The following REEP1 variants were observed in gnomAD, a reference collection of about 807,000 sequenced individuals.
The protein encoded by REEP1 is receptor accessory protein 1, also known as receptor expression-enhancing protein 1.
In REEP1, 22 loss-of-function variants were observed where a neutral mutation model predicts 40.3. That is an observed-to-expected ratio of 0.55 (90% CI 0.39 to 0.78). REEP1 has a LOEUF of 0.78. Ranked by LOEUF, REEP1 falls within the 30% of genes least tolerant of loss-of-function variation. REEP1 has a pLI of 0.00. For missense variants in REEP1, 280 were observed against 361.1 expected, an observed-to-expected ratio of 0.78 and a Z score of 1.82; for synonymous variants, 116 against 139.2, an observed-to-expected ratio of 0.83 and a Z score of 1.17.
intron 1 of REEP1, among the ~76,000 whole-genome samples, chr2:86,293,069 AATTC>A (rs10524777): frequency 0.52 from 78,320 of 150,808 alleles, 20,407 homozygotes; most frequent in East Asian, 0.6. Flanking sequence ...TAAGAGGTTA[AATTC>A]ATTCATTCAT....
intron 1 of REEP1, among the ~76,000 whole-genome samples, chr2:86,284,457 T>A (rs996939133): frequency 2.0e-5 from 3 of 152,012 alleles, no homozygotes. Context: ...AGTATCAGAA[T>A]GGGGAAGCCA....
chr2:86,240,895 G>C (rs1441507720), intron 5 of REEP1, among the ~76,000 whole-genome samples: 2 of 152,220 alleles, frequency 1.3e-5, no homozygotes, highest in Non-Finnish European at 2.9e-5. Flanking sequence ...CCCTTAAGGA[G>C]AGACAGCAGG....
chr2:86,309,793 TC>T (rs1460767452), intron 1 of REEP1, among the ~76,000 whole-genome samples: 3 of 151,956 alleles, frequency 2.0e-5, no homozygotes, highest in Admixed American at 1.3e-4. Flanking sequence ...CTTAACTATC[TC>T]CCAAAGGCCG....
At chr2:86,217,666 A>AT (rs10668934) in intron 8 of REEP1, among the ~76,000 whole-genome samples, 2,175 of 112,874 alleles carry the variant, frequency 0.019, 88 homozygotes, top group African/African-American at 0.061. Context: ...GGGATTTCAG[A>AT]TTTTTTTTTT....
intron 1 of REEP1, among the ~76,000 whole-genome samples, chr2:86,311,040 A>C (rs1185544881): frequency 1.3e-5 from 2 of 152,156 alleles, no homozygotes; most frequent in Non-Finnish European, 2.9e-5. Context: ...AGATACAGCT[A>C]AGGGAGGGAG....
At chr2:86,264,102 C>T (rs1677016763) in intron 2 of REEP1, 61 bp from the exon 3 acceptor site, 2 of 1,306,036 alleles carry the variant, frequency 1.5e-6, no homozygotes, top group Non-Finnish European at 2.2e-6. Context: ...CTGCCCAACA[C>T]CAGGAAGAAC....
At chr2:86,313,295 CTTTTCTT>C (rs1331882085) in intron 1 of REEP1, among the ~76,000 whole-genome samples, 1 of 135,122 alleles carries the variant, frequency 7.4e-6, no homozygotes, top group African/African-American at 2.8e-5. Flanking sequence ...TTTTTCTTTT[CTTTTCTT>C]TTTTTTTTTT....
chr2:86,302,012 C>T (rs1175289693), intron 1 of REEP1, among the ~76,000 whole-genome samples: 1 of 152,234 alleles, frequency 6.6e-6, no homozygotes, highest in Non-Finnish European at 1.5e-5. Flanking sequence ...CTTTAATTCC[C>T]CATAGGCTTT....
intron 6 of REEP1, among the ~76,000 whole-genome samples, chr2:86,227,834 A>G (rs1291915946): frequency 6.9e-6 from 1 of 145,942 alleles, no homozygotes; most frequent in African/African-American, 2.5e-5. Context: ...TGCCTTGTAC[A>G]CGCCATTGGT....
chr2:86,300,843 C>T (rs140943436), intron 1 of REEP1, among the ~76,000 whole-genome samples: 2 of 152,266 alleles, frequency 1.3e-5, no homozygotes, highest in Non-Finnish European at 2.9e-5. Flanking sequence ...ACTTGGGTCC[C>T]CTTAGCCTTC....
Position 86,322,055 on chromosome 2 carries a change from C to G in REEP1, c.32+15424G>C, listed in dbSNP as rs1680292812. ...GGTAAGCAAGGTTGTATTCTTCCAA[C>G]AGTTGGAAGATGAAATTTTATTAAG... On this transcript the variant is annotated intron_variant, in intron 1 of 8. Coordinates refer to ENST00000538924, the MANE Select transcript of REEP1 (RefSeq NM_001371279.1). 2.6e-5 allele frequency among the ~76,000 whole-genome samples: 4 copies of G among 152,166 alleles called. No homozygotes were observed. In the South Asian group the frequency reaches 8.3e-4, roughly 32 times the overall value.
chr2:86,333,144 A>C (rs1210018923), intron 1 of REEP1, among the ~76,000 whole-genome samples: 1 of 152,242 alleles, frequency 6.6e-6, no homozygotes, highest in African/African-American at 2.4e-5. Flanking sequence ...CCCTCCATTA[A>C]CTGAATCAGT....
intron 5 of REEP1, chr2:86,251,630 A>T (rs1676278578): frequency 2.7e-6 from 1 of 376,276 alleles, no homozygotes; most frequent in Non-Finnish European, 5.1e-6. Flanking sequence ...TCCCAGGCCT[A>T]AGTGCCAAGT....
rs201564869 is a variant in REEP1, at chr2:86,232,683, G to A, written c.537C>T (p.Ser179=). 25 of 1,612,016 alleles carry A rather than the reference G, an allele frequency of 1.6e-5. No individual in the cohort carries two copies. The African/African-American group carries it at 1.6e-4, about 10-fold the overall frequency. ...GPPPPGSGRA[S]GKHGQPKMSR... ...ACATCTTAGGCTGGCCGTGTTTGCC[G>A]CTGGCCCGCCCAGACCCCGGTGGTG... Residue 179 remains serine, a synonymous_variant, in exon 6 of 9, where the codon AGC becomes AGT. Coordinates refer to ENST00000538924, the MANE Select transcript of REEP1 (RefSeq NM_001371279.1).
Position 86,216,918 on chromosome 2 carries a change from A to ATGTT in REEP1, c.*117_*120dup, listed in dbSNP as rs1218873585. ...AGTGGAAGGGGAGAGAGAAAAGGCC[A>ATGTT]TGTTTGTGAGGCTGCACACTCAAAG... On this transcript the variant is annotated 3_prime_UTR_variant, in exon 9 of 9. Coordinates refer to ENST00000538924, the MANE Select transcript of REEP1 (RefSeq NM_001371279.1). 2.6e-6 allele frequency: 2 copies of ATGTT among 763,594 alleles called. No homozygotes were observed. Among genetic ancestry groups the ATGTT allele is most frequent in the African/African-American group, 3.5e-5 (2 of 56,988 alleles). 47.3% of individuals were successfully genotyped at this position (763,594 alleles called of 1,614,324 possible). A position where few individuals can be genotyped will look rare whatever the true frequency, so the allele number is the denominator to read the frequency against.
chr2:86,296,632 G>A (rs780749572), intron 1 of REEP1, among the ~76,000 whole-genome samples: 1 of 152,190 alleles, frequency 6.6e-6, no homozygotes, highest in Non-Finnish European at 1.5e-5. Flanking sequence ...TGAGGCAGGC[G>A]GATCACCTGA....
chr2:86,232,842 C>T (rs1675107800), intron 5 of REEP1, 40 bp from the exon 6 acceptor site: 2 of 1,581,092 alleles, frequency 1.3e-6, no homozygotes, highest in Non-Finnish European at 8.6e-7. Context: ...AGAGGTCCTG[C>T]TCCACAGGTC....
intron 1 of REEP1, among the ~76,000 whole-genome samples, chr2:86,286,804 T>C (rs1678423997): frequency 6.6e-6 from 1 of 152,164 alleles, no homozygotes; most frequent in Non-Finnish European, 1.5e-5. Context: ...TGAAACAAAC[T>C]AGTATTTTCC....
intron 1 of REEP1, among the ~76,000 whole-genome samples, chr2:86,334,399 G>A (rs193222094): frequency 3.9e-5 from 6 of 152,106 alleles, no homozygotes; most frequent in East Asian, 1.9e-4. Context: ...AACGTGACTC[G>A]CGGATAAAAC....
Sources: gnomAD v4.1 joint callset for allele counts (sites outside exome capture counted in the v4.1 genomes callset) on GRCh38, gnomAD v4.1.1 for gene constraint, MANE v1.5 for transcripts, NCBI Gene and HGNC (gene_info 2026-07-23, HGNC 2026-07-21) for gene names.